PIK3CB: variants seen among roughly 807,000 people sequenced by gnomAD.
PIK3CB encodes phosphatidylinositol-4,5-bisphosphate 3-kinase catalytic subunit beta.
Under a neutral mutation model 136.8 loss-of-function variants are expected in PIK3CB, and 39 were observed. The observed-to-expected ratio is 0.29, with a 90% CI of 0.22 to 0.37. PIK3CB has a LOEUF of 0.37. Ranked by LOEUF, PIK3CB falls within the 10% of genes least tolerant of loss-of-function variation. PIK3CB has a pLI of 1.00. For missense variants in PIK3CB, 868 were observed against 1,275.4 expected, an observed-to-expected ratio of 0.68 and a Z score of 4.87; for synonymous variants, 428 against 436.6, an observed-to-expected ratio of 0.98 and a Z score of 0.25.
At chr3:138,678,930 G>A (rs184843599) in intron 19 of PIK3CB, among the ~76,000 whole-genome samples, 22 of 152,152 alleles carry the variant, frequency 1.4e-4, no homozygotes, top group Admixed American at 9.2e-4. Flanking sequence ...ACCAAGCCTG[G>A]TGACCCGTGC....
chr3:138,712,334 T>C (rs779764879), intron 9 of PIK3CB, 30 bp from the exon 10 acceptor site: 2 of 1,046,000 alleles, frequency 1.9e-6, no homozygotes, highest in Non-Finnish European at 2.8e-6. Flanking sequence ...TGCATAAATA[T>C]GCTAAGAATA....
intron 2 of PIK3CB, among the ~76,000 whole-genome samples, chr3:138,775,426 T>C (rs550870251): frequency 2.8e-4 from 43 of 152,298 alleles, no homozygotes; most frequent in African/African-American, 9.4e-4. Context: ...CAGTTAGGTC[T>C]AGTGAGAGAC....
At chr3:138,744,392 C>CAAAAAAAAAAA (rs60503033) in intron 4 of PIK3CB, among the ~76,000 whole-genome samples, 1,704 of 45,104 alleles carry the variant, frequency 0.038, 780 homozygotes, top group Middle Eastern at 0.12. Context: ...GAGACTCCCC[C>CAAAAAAAAAAA]AAAAAAAAAA....
chr3:138,731,753 A>C (rs989349749), intron 8 of PIK3CB, among the ~76,000 whole-genome samples: 15 of 151,780 alleles, frequency 9.9e-5, no homozygotes, highest in Non-Finnish European at 8.8e-5. Flanking sequence ...GGGAGGCCAC[A>C]GCAGGCGGAT....
intron 1 of PIK3CB, among the ~76,000 whole-genome samples, chr3:138,804,067 T>C (rs1213128226): frequency 1.3e-5 from 2 of 152,132 alleles, no homozygotes; most frequent in Non-Finnish European, 1.5e-5. Flanking sequence ...CTCACACTTA[T>C]AATCCCAGCA....
chr3:138,738,552 C>A (rs554667451), intron 5 of PIK3CB, among the ~76,000 whole-genome samples: 48 of 111,008 alleles, frequency 4.3e-4, no homozygotes, highest in Non-Finnish European at 4.0e-5. Context: ...ATACTTTATA[C>A]GAATTAAACC....
intron 2 of PIK3CB, among the ~76,000 whole-genome samples, chr3:138,784,493 T>G (rs1297144925): frequency 6.6e-6 from 1 of 152,076 alleles, no homozygotes; most frequent in Admixed American, 6.5e-5. Context: ...GAGGCTGGAC[T>G]GTACTACCAC....
intron 12 of PIK3CB, among the ~76,000 whole-genome samples, chr3:138,701,420 C>T (rs1173459601): frequency 6.6e-6 from 1 of 151,868 alleles, no homozygotes; most frequent in Non-Finnish European, 1.5e-5. Flanking sequence ...TTTTCCTGAC[C>T]TTCATGAATC....
chr3:138,700,429 G>C (rs1319357702), intron 12 of PIK3CB, among the ~76,000 whole-genome samples: 1 of 151,974 alleles, frequency 6.6e-6, no homozygotes, highest in Non-Finnish European at 1.5e-5. Context: ...AGAATGATAG[G>C]GACAAAGCAA....
intron 2 of PIK3CB, among the ~76,000 whole-genome samples, chr3:138,784,773 T>C (rs1418904804): frequency 2.0e-5 from 3 of 152,178 alleles, no homozygotes. Flanking sequence ...TGATCTCAGC[T>C]CGCTATAACC....
intron 2 of PIK3CB, among the ~76,000 whole-genome samples, chr3:138,771,285 C>T (rs556001276): frequency 2.7e-5 from 4 of 148,540 alleles, no homozygotes; most frequent in African/African-American, 4.9e-5. Context: ...TGCAGTGGCG[C>T]GATCTTGGCT....
At chr3:138,694,516 G>A (rs562262338) in intron 14 of PIK3CB, among the ~76,000 whole-genome samples, 11 of 152,062 alleles carry the variant, frequency 7.2e-5, no homozygotes, top group Non-Finnish European at 1.6e-4. Context: ...AATTATATCT[G>A]TAAGTGACTA....
At chr3:138,739,911 A>T (rs1156717657) in intron 5 of PIK3CB, among the ~76,000 whole-genome samples, 1 of 150,386 alleles carries the variant, frequency 6.6e-6, no homozygotes, top group East Asian at 2.0e-4. Context: ...AAAAATAAAA[A>T]AAAAAAAAAT....
At chr3:138,695,029 C>A in intron 13 of PIK3CB, 122 bp from the exon 14 acceptor site, 2 of 791,130 alleles carry the variant, frequency 2.5e-6, no homozygotes, top group Non-Finnish European at 3.8e-6. Flanking sequence ...ATTATTGATG[C>A]CTCAAAAATC....
At chr3:138,669,160 C>T (rs1455686285) in intron 19 of PIK3CB, among the ~76,000 whole-genome samples, 1 of 152,054 alleles carries the variant, frequency 6.6e-6, no homozygotes, top group African/African-American at 2.4e-5. Context: ...GCCTGTAATC[C>T]TAGCACTTTG....
At chr3:138,731,907 C>T (rs1405539570) in intron 8 of PIK3CB, among the ~76,000 whole-genome samples, 1 of 151,488 alleles carries the variant, frequency 6.6e-6, no homozygotes, top group African/African-American at 2.4e-5. Flanking sequence ...TGCTTGAACC[C>T]GGGAGGCAGA....
intron 2 of PIK3CB, 24 bp downstream of exon 2, chr3:138,796,439 A>G (rs1212571014): frequency 6.6e-6 from 1 of 151,944 alleles, no homozygotes; most frequent in Admixed American, 6.6e-5. Flanking sequence ...ATAAGTAATT[A>G]AAAATACAAA....
chr3:138,705,184 AACAAAC>A lies in PIK3CB; in HGVS notation c.1531-697_1531-692del, dbSNP rs1375509878. 1.6e-3 allele frequency among the ~76,000 whole-genome samples: 140 copies of A among 85,126 alleles called. 32 individuals carry two copies. The highest frequency in any genetic ancestry group is 5.7e-3 in the East Asian group (10 of 1,742). The allele number at this position is 85,126 out of a possible 152,430, so 55.8% of individuals were successfully genotyped here. A position where few individuals can be genotyped will look rare whatever the true frequency, so the allele number is the denominator to read the frequency against. On this transcript the variant is annotated intron_variant, in intron 11 of 23. Coordinates refer to ENST00000674063, the MANE Select transcript of PIK3CB (RefSeq NM_006219.3). ...AAAAAAAAAAAAAAACAAAAAACAA[AACAAAC>A]AAAAAAAAAAACTTATATTTGCAAA... is the stretch of plus-strand genomic sequence containing the variant.
chr3:138,716,427 C>A (rs977616626), intron 8 of PIK3CB, among the ~76,000 whole-genome samples: 1 of 152,156 alleles, frequency 6.6e-6, no homozygotes, highest in African/African-American at 2.4e-5. Context: ...CACACATGTT[C>A]TTTCTACCAC....
Sources: allele counts gnomAD v4.1 joint callset (sites outside exome capture counted in the v4.1 genomes callset), GRCh38; gene constraint gnomAD v4.1.1; transcripts MANE v1.5; gene names NCBI Gene and HGNC (gene_info 2026-07-23, HGNC 2026-07-21).